PBX1: variants seen among roughly 807,000 people sequenced by gnomAD.
The protein encoded by PBX1 is PBX homeobox 1.
PBX1 carries 6 observed loss-of-function variants against 53.4 expected under a neutral mutation model. The ratio of observed to expected loss-of-function variants is 0.11; its 90% CI spans 0.06 to 0.22. PBX1 has a LOEUF of 0.22. Ranked by LOEUF, PBX1 falls within the 10% of genes least tolerant of loss-of-function variation. The probability of loss-of-function intolerance (pLI) is 1.00; values close to 1 mark genes in which losing one functional copy is unlikely to be tolerated. For missense variants in PBX1, 251 were observed against 551.4 expected, an observed-to-expected ratio of 0.46 and a Z score of 5.46; for synonymous variants, 204 against 212.3, an observed-to-expected ratio of 0.96 and a Z score of 0.34.
At chr1:164,622,975 C>A (rs1282328822) in intron 2 of PBX1, among the ~76,000 whole-genome samples, 1 of 151,922 alleles carries the variant, frequency 6.6e-6, no homozygotes, top group Non-Finnish European at 1.5e-5. Flanking sequence ...CCACTACACC[C>A]GGCTAATTTT....
rs1362808326 is a variant in PBX1, at chr1:164,586,900, G to C, written c.265+23589G>C. Among the ~76,000 whole-genome samples the C allele has an allele frequency of 2.6e-5, 4 of 152,074 alleles. No homozygotes were observed. In the East Asian group the frequency reaches 7.7e-4, roughly 29 times the overall value. On this transcript the variant is annotated intron_variant, in intron 2 of 8. Coordinates refer to ENST00000420696, the MANE Select transcript of PBX1 (RefSeq NM_002585.4). Reference sequence around the variant, plus strand: ...CCGCAGAGGGAACTTGAAAATAGAGGTTATCTGCCCACAGAGAGAACAGTG... The same window carrying C: ...CCGCAGAGGGAACTTGAAAATAGAGCTTATCTGCCCACAGAGAGAACAGTG...
chr1:164,764,336 C>T (rs547623767), intron 2 of PBX1, among the ~76,000 whole-genome samples: 1 of 152,252 alleles, frequency 6.6e-6, no homozygotes, highest in South Asian at 2.1e-4. Context: ...ATGTTCACGA[C>T]AGGAAGGATT....
At chr1:164,795,383 A>G (rs1023212803) in intron 3 of PBX1, among the ~76,000 whole-genome samples, 2 of 152,192 alleles carry the variant, frequency 1.3e-5, no homozygotes, top group Non-Finnish European at 2.9e-5. Context: ...ACTGGCACCT[A>G]AGAGAGGGTT....
rs896885764 is a variant in PBX1, at chr1:164,776,937, T to A, written c.266-15557T>A. ...TGTGTGTGTGTGTGTGTGTGTGTGG[T>A]GGGAGGAGAGAGAGAGAGAGAGAGA... On this transcript the variant is annotated intron_variant, in intron 2 of 8. Transcript: ENST00000420696. Among the ~76,000 whole-genome samples the A allele has an allele frequency of 6.7e-3, 182 of 27,008 alleles. 3 individuals are homozygous for A. Among genetic ancestry groups the A allele is most frequent in the East Asian group, 0.017 (17 of 990 alleles). The allele number at this position is 27,008 out of a possible 152,430, so 17.7% of individuals were successfully genotyped here.
chr1:164,631,293 T>G, intron 2 of PBX1, among the ~76,000 whole-genome samples: 1 of 152,058 alleles, frequency 6.6e-6, no homozygotes, highest in Non-Finnish European at 1.5e-5. Flanking sequence ...TTTCTTTTTT[T>G]TTTTTCTACA....
chr1:164,687,547 AGT>A (rs1489074844), intron 2 of PBX1, among the ~76,000 whole-genome samples: 2 of 137,992 alleles, frequency 1.4e-5, no homozygotes, highest in Non-Finnish European at 3.1e-5. Context: ...TGGGTGATAA[AGT>A]GAGACCTTGT....
chr1:164,574,109 G>A (rs1481147257), intron 2 of PBX1, among the ~76,000 whole-genome samples: 2 of 152,188 alleles, frequency 1.3e-5, no homozygotes, highest in Non-Finnish European at 2.9e-5. Flanking sequence ...GCCGGGATGG[G>A]GTGGTTCCCC....
intron 2 of PBX1, among the ~76,000 whole-genome samples, chr1:164,621,375 A>C (rs1467746309): frequency 1.3e-5 from 2 of 152,206 alleles, no homozygotes; most frequent in Middle Eastern, 6.8e-3. Flanking sequence ...AACGGGGGCG[A>C]GAATTAGGTT....
intron 2 of PBX1, among the ~76,000 whole-genome samples, chr1:164,628,818 G>A (rs1282809740): frequency 6.6e-6 from 1 of 152,136 alleles, no homozygotes; most frequent in Non-Finnish European, 1.5e-5. Context: ...TCACGAGTGA[G>A]CTATACAGGT....
intron 2 of PBX1, among the ~76,000 whole-genome samples, chr1:164,866,792 G>C (rs903063068): frequency 5.3e-5 from 8 of 152,110 alleles, no homozygotes; most frequent in African/African-American, 1.9e-4. Flanking sequence ...AAACCTTTAA[G>C]AAATAAATCT....
chr1:164,732,792 A>C (rs1665068494), intron 2 of PBX1, among the ~76,000 whole-genome samples: 1 of 152,106 alleles, frequency 6.6e-6, no homozygotes, highest in African/African-American at 2.4e-5. Flanking sequence ...TCCAACCTAG[A>C]GAACCTACAG....
rs1469961012 is a variant in PBX1 at position 164,651,933 on chromosome 1, GTGT to G, written c.265+88623_265+88625del. ...GAGTCAGAGCTTATGGAGGGAGGGT[GTGT>G]GTGTGTGTGTGTGTGTGTGTGTGTG... On this transcript the variant is annotated intron_variant, in intron 2 of 8. Coordinates refer to ENST00000420696, the MANE Select transcript of PBX1 (RefSeq NM_002585.4). 541 of 58,924 alleles carry G rather than the reference GTGT, an allele frequency of 9.2e-3. 4 individuals are homozygous for G. The highest frequency in any genetic ancestry group is 0.029 in the African/African-American group (517 of 18,134). 3.7% of individuals were successfully genotyped at this position (58,924 alleles called of 1,614,324 possible).
chr1:164,838,319 A>G (rs1671140028), intron 8 of PBX1, among the ~76,000 whole-genome samples: 1 of 152,184 alleles, frequency 6.6e-6, no homozygotes, highest in African/African-American at 2.4e-5. Context: ...GGTGCCGCCC[A>G]TGGTCAAGCC....
At chr1:164,570,655 C>T (rs2101709700) in intron 2 of PBX1, among the ~76,000 whole-genome samples, 2 of 152,252 alleles carry the variant, frequency 1.3e-5, no homozygotes, top group Admixed American at 1.3e-4. Context: ...GTGAATAGTG[C>T]TGCAATAAAC....
intron 2 of PBX1, among the ~76,000 whole-genome samples, chr1:164,741,661 A>G (rs569508027): frequency 1.3e-5 from 2 of 152,008 alleles, no homozygotes; most frequent in Admixed American, 6.5e-5. Flanking sequence ...CCTGGCCATC[A>G]TCTTACTTAT....
intron 8 of PBX1, among the ~76,000 whole-genome samples, chr1:164,827,782 G>T (rs1214888975): frequency 6.6e-6 from 1 of 152,156 alleles, no homozygotes; most frequent in Non-Finnish European, 1.5e-5. Flanking sequence ...TCATTCAATG[G>T]CTTATTCATG....
chr1:164,667,916 C>CACCT (rs1660896479), intron 2 of PBX1, among the ~76,000 whole-genome samples: 1 of 152,162 alleles, frequency 6.6e-6, no homozygotes, highest in Non-Finnish European at 1.5e-5. Context: ...GTGTTGCAGG[C>CACCT]AGTGAGCTAC....
At chr1:164,701,562 C>A (rs191298914) in intron 2 of PBX1, among the ~76,000 whole-genome samples, 16 of 152,246 alleles carry the variant, frequency 1.1e-4, no homozygotes, top group African/African-American at 3.6e-4. Context: ...TCAATGAATC[C>A]CATGCCTGTG....
intron 8 of PBX1, among the ~76,000 whole-genome samples, chr1:164,840,447 G>C (rs12137010): frequency 1.3e-5 from 2 of 152,264 alleles, no homozygotes; most frequent in African/African-American, 4.8e-5. Context: ...ACACCAGAGA[G>C]AGAAAAGATA....
Sources: gnomAD v4.1 joint callset for allele counts (sites outside exome capture counted in the v4.1 genomes callset) on GRCh38, gnomAD v4.1.1 for gene constraint, MANE v1.5 for transcripts, NCBI Gene and HGNC (gene_info 2026-07-23, HGNC 2026-07-21) for gene names.